The following ATXN2 variants were observed in gnomAD, a reference collection of about 807,000 sequenced individuals.
ATXN2 encodes the protein ataxin-2.
In ATXN2, 37 loss-of-function variants were observed where a neutral mutation model predicts 138.6. That is an observed-to-expected ratio of 0.27 (90% CI 0.21 to 0.35). The LOEUF (loss-of-function observed/expected upper bound fraction) is 0.35. Among genes scored for constraint, ATXN2 ranks in the 10% least tolerant of loss-of-function variants. The pLI, the probability that ATXN2 is intolerant of heterozygous loss-of-function variation, is 1.00. For missense variants in ATXN2, 1,216 were observed against 1,480.3 expected (o/e 0.82, Z 2.93); for synonymous variants, 549 against 543.7 (o/e 1.01, Z -0.13).
intron 14 of ATXN2, among the ~76,000 whole-genome samples, chr12:111,490,217 A>T (rs1053332681): frequency 3.3e-5 from 5 of 152,036 alleles, no homozygotes; most frequent in Admixed American, 6.6e-5. Flanking sequence ...AAAATTAAAA[A>T]AAAAAAAAAA....
At chr12:111,518,820 T>C (rs886610496) in intron 8 of ATXN2, among the ~76,000 whole-genome samples, 1 of 152,182 alleles carries the variant, frequency 6.6e-6, no homozygotes. Flanking sequence ...TCGGCAATGC[T>C]GATGAAACCT....
In ATXN2 at chr12:111,516,378, G is replaced by T; in HGVS notation, c.1166-15C>A. On this transcript the variant is annotated splice_polypyrimidine_tract_variant and intron_variant, in intron 9 of 24. Transcript: ENST00000673436. The surrounding 1 kb of genome is among the most constrained non-coding windows in gnomAD (Gnocchi z 5.0). Reference sequence around the variant, plus strand: ...CCAGGGAACACCTGACAGAACAAATGATATGAAGGAAAGTATAAAAACTAA... The same window carrying T: ...CCAGGGAACACCTGACAGAACAAATTATATGAAGGAAAGTATAAAAACTAA... 1 of 1,545,710 alleles carries T rather than the reference G, an allele frequency of 6.5e-7. No homozygotes were observed. Among genetic ancestry groups the T allele is most frequent in the Non-Finnish European group, 8.7e-7 (1 of 1,145,866 alleles).
chr12:111,574,886 T>C (rs1219986917), intron 1 of ATXN2, among the ~76,000 whole-genome samples: 1 of 152,214 alleles, frequency 6.6e-6, no homozygotes, highest in African/African-American at 2.4e-5. Context: ...AATACAATGA[T>C]AGTAACTCAT....
chr12:111,599,550 G>C (rs1276821875), upstream of ATXN2: 13 of 1,187,578 alleles, frequency 1.1e-5, no homozygotes, highest in Non-Finnish European at 1.4e-5. Context: ...GGGTGGGAGC[G>C]GAGGTGCGGA....
intron 5 of ATXN2, among the ~76,000 whole-genome samples, chr12:111,550,755 T>C (rs1261454859): frequency 1.3e-5 from 2 of 152,094 alleles, no homozygotes; most frequent in Non-Finnish European, 2.9e-5. Context: ...CATCAGCATA[T>C]CAAGACAGTT....
At chr12:111,509,702 TAGAATA>T in intron 13 of ATXN2, 83 bp from the exon 14 acceptor site, 1 of 955,286 alleles carries the variant, frequency 1.0e-6, no homozygotes, top group South Asian at 1.6e-5. Flanking sequence ...TGATAGAAAT[TAGAATA>T]AGATATAAGA....
rs143749699 is a variant in ATXN2 at position 111,458,669 on chromosome 12, G to T, written c.2897-1310C>A. Among the ~76,000 whole-genome samples, 202 of 152,312 alleles carry T rather than the reference G, an allele frequency of 1.3e-3. No homozygotes were observed. In the Middle Eastern group the frequency reaches 0.014, roughly 10 times the overall value. On this transcript the variant is annotated intron_variant, in intron 21 of 24. Coordinates refer to ENST00000673436, the MANE Select transcript of ATXN2 (RefSeq NM_001372574.1). ...CATACACAGAAATGATTCCAAAATA[G>T]TTCCCCACATTCTTCATATAACGTG...
chr12:111,550,080 GA>G (rs1232793638), intron 5 of ATXN2, among the ~76,000 whole-genome samples: 3 of 141,642 alleles, frequency 2.1e-5, no homozygotes, highest in Admixed American at 1.5e-4. Flanking sequence ...AAAAAAAAAA[GA>G]GAGAGAAAAG....
chr12:111,597,627 C>A, intron 1 of ATXN2: 1 of 427,816 alleles, frequency 2.3e-6, no homozygotes, highest in Non-Finnish European at 4.7e-6. Flanking sequence ...CCGCCACCCC[C>A]AACAGGCCCT....
chr12:111,570,372 A>G (rs773927795), intron 1 of ATXN2, among the ~76,000 whole-genome samples: 49 of 152,252 alleles, frequency 3.2e-4, no homozygotes, highest in Non-Finnish European at 6.5e-4. Context: ...TGACAGGTAC[A>G]TAAGATTCAT....
chr12:111,479,660 T>C (rs926521814), intron 18 of ATXN2, among the ~76,000 whole-genome samples: 4 of 152,312 alleles, frequency 2.6e-5, no homozygotes, highest in African/African-American at 9.6e-5. Context: ...TGGGACGGCT[T>C]TGAATGTGGC....
intron 14 of ATXN2, among the ~76,000 whole-genome samples, chr12:111,507,052 A>G (rs1263996759): frequency 6.6e-6 from 1 of 152,128 alleles, no homozygotes; most frequent in African/African-American, 2.4e-5. Context: ...GGCCTCCCAA[A>G]GTGCCGAGAT....
chr12:111,457,394 G>T (rs770623367), intron 21 of ATXN2, 35 bp from the exon 22 acceptor site: 2 of 1,574,280 alleles, frequency 1.3e-6, no homozygotes, highest in South Asian at 2.3e-5. Context: ...GTACACAACC[G>T]ATGTCTGACA....
chr12:111,528,639 G>C (rs762113977), intron 5 of ATXN2, among the ~76,000 whole-genome samples: 11 of 152,178 alleles, frequency 7.2e-5, no homozygotes, highest in Non-Finnish European at 1.5e-4. Context: ...TGGGGAAGGG[G>C]AAAACACAGA....
At position 111,598,328 on chromosome 12, in the gene ATXN2, C is replaced by A; in HGVS notation, c.251+456G>T. On this transcript the variant is annotated intron_variant, in intron 1 of 24. Coordinates refer to ENST00000673436, the MANE Select transcript of ATXN2 (RefSeq NM_001372574.1). This position sits in a 1 kb window ranked among gnomAD's most constrained non-coding sequence, Gnocchi z 4.5. ...TAACTTCTCCCCTCCAGAGATGTCC[C>A]CCATGGAGGGGGACATGTTCCGGAA... 1 of 993,254 alleles carries A rather than the reference C, an allele frequency of 1.0e-6. No individual in the cohort carries two copies. Among genetic ancestry groups the A allele is most frequent in the Non-Finnish European group, 1.2e-6 (1 of 834,480 alleles). 61.5% of individuals were successfully genotyped at this position (993,254 alleles called of 1,614,324 possible). A position where few individuals can be genotyped will look rare whatever the true frequency, so the allele number is the denominator to read the frequency against.
chr12:111,574,918 T>A (rs1883547149), intron 1 of ATXN2, among the ~76,000 whole-genome samples: 1 of 152,198 alleles, frequency 6.6e-6, no homozygotes, highest in African/African-American at 2.4e-5. Context: ...TCTGAGTGAA[T>A]TTGAATAGGT....
intron 1 of ATXN2, among the ~76,000 whole-genome samples, chr12:111,566,910 T>C (rs1052859425): frequency 6.6e-6 from 1 of 152,114 alleles, no homozygotes; most frequent in Non-Finnish European, 1.5e-5. Context: ...AGTACTGGGA[T>C]TACAGGCATG....
At chr12:111,548,915 G>T (rs1268581495) in intron 5 of ATXN2, among the ~76,000 whole-genome samples, 1 of 152,110 alleles carries the variant, frequency 6.6e-6, no homozygotes, top group Admixed American at 6.6e-5. Flanking sequence ...TAAAGACGGG[G>T]TTTCAACATG....
At chr12:111,556,351 G>A (rs568534632) in intron 1 of ATXN2, among the ~76,000 whole-genome samples, 57 of 152,208 alleles carry the variant, frequency 3.7e-4, no homozygotes, top group Admixed American at 3.4e-3. Flanking sequence ...AGTCTAGCCT[G>A]GGCGACAAAG....
Sources: gnomAD v4.1 joint callset for allele counts (sites outside exome capture counted in the v4.1 genomes callset) on GRCh38, gnomAD v4.1.1 for gene constraint, Gnocchi (gnomAD v3.1) non-coding constraint, MANE v1.5 for transcripts, NCBI Gene and HGNC (gene_info 2026-07-23, HGNC 2026-07-21) for gene names.